The following LRFN5 variants were observed in gnomAD, a reference collection of about 807,000 sequenced individuals.
The protein encoded by LRFN5 is leucine-rich repeat and fibronectin type-III domain-containing protein 5.
LRFN5 carries 24 observed loss-of-function variants against 45.6 expected under a neutral mutation model. That is an observed-to-expected ratio of 0.53 (90% CI 0.38 to 0.74). The LOEUF (loss-of-function observed/expected upper bound fraction) is 0.74. LRFN5 is among the 30% of genes least tolerant of loss of function. LRFN5 has a pLI of 0.00. For synonymous variants in LRFN5, 340 were observed against 313.8 expected (o/e 1.08, Z -0.88); for missense variants, 776 against 861.5 (o/e 0.90, Z 1.24).
chr14:41,851,046 T>C (rs1281838779), intron 2 of LRFN5, among the ~76,000 whole-genome samples: 1 of 151,744 alleles, frequency 6.6e-6, no homozygotes, highest in African/African-American at 2.4e-5. Context: ...ATCTTATGCA[T>C]TTGCCTTCCT....
intron 1 of LRFN5, among the ~76,000 whole-genome samples, chr14:41,631,486 T>C (rs1049816921): frequency 1.3e-5 from 2 of 152,076 alleles, no homozygotes; most frequent in African/African-American, 2.4e-5. Context: ...GCTTACTTTT[T>C]AGCTAGGGGA....
At chr14:41,716,187 G>A (rs1187425986) in intron 1 of LRFN5, among the ~76,000 whole-genome samples, 1 of 152,116 alleles carries the variant, frequency 6.6e-6, no homozygotes, top group African/African-American at 2.4e-5. Context: ...CTCAGCCTTT[G>A]GGCCTGTGAT....
chr14:41,802,541 A>G lies in LRFN5; in HGVS notation c.-21+35512A>G, dbSNP rs141647426. Among the ~76,000 whole-genome samples the G allele has an allele frequency of 1.8e-3, 271 of 152,304 alleles. 1 individual carries two copies. Among genetic ancestry groups the G allele is most frequent in the Non-Finnish European group, 2.3e-3 (156 of 68,024 alleles). On this transcript the variant is annotated intron_variant, in intron 2 of 5. Transcript: ENST00000298119. ...CCAAAGGTGGAGTCCTAGTTGAGAA[A>G]AGAGTTTAGAGGAGTTGGAAAAATG...
chr14:41,695,982 C>G (rs1219347559), intron 1 of LRFN5, among the ~76,000 whole-genome samples: 1 of 151,888 alleles, frequency 6.6e-6, no homozygotes, highest in Non-Finnish European at 1.5e-5. Flanking sequence ...AAAAGATTAA[C>G]CCTTCTAGAT....
rs773322686 is a variant in LRFN5 at position 41,624,866 on chromosome 14, C to T, written c.-197+16304C>T. ...AATTTTTTCATTATCTTCCTTTATT[C>T]CTCTATTTGGATTAAATAATGTCCC... On this transcript the variant is annotated intron_variant, in intron 1 of 5. Transcript: ENST00000298119. Among the ~76,000 whole-genome samples the T allele has an allele frequency of 9.0e-4, 137 of 152,050 alleles. 1 individual carries two copies. The highest frequency in any genetic ancestry group is 1.5e-3 in the Non-Finnish European group (105 of 67,948).
At chr14:41,650,261 ACAC>A (rs1398531796) in intron 1 of LRFN5, among the ~76,000 whole-genome samples, 6 of 145,840 alleles carry the variant, frequency 4.1e-5, no homozygotes, top group African/African-American at 1.6e-4. Flanking sequence ...ACACACACAC[ACAC>A]ACAAAAAAAA....
chr14:41,679,185 G>A (rs1217385302), intron 1 of LRFN5, among the ~76,000 whole-genome samples: 2 of 152,166 alleles, frequency 1.3e-5, no homozygotes, highest in Non-Finnish European at 2.9e-5. Context: ...AGGCCACAAG[G>A]ACTGCAATTC....
chr14:41,674,686 TG>T (rs1881502094), intron 1 of LRFN5, among the ~76,000 whole-genome samples: 1 of 149,990 alleles, frequency 6.7e-6, no homozygotes, highest in African/African-American at 2.5e-5. Context: ...ATGGGACGGC[TG>T]GCTGGGCGGG....
intron 1 of LRFN5, chr14:41,700,670 T>A (rs1882806440): frequency 6.6e-6 from 1 of 151,894 alleles, no homozygotes; most frequent in Non-Finnish European, 1.5e-5. Flanking sequence ...GGATCCTAGC[T>A]TTGAGGATTT....
chr14:41,739,430 G>T (rs901269899), intron 1 of LRFN5, among the ~76,000 whole-genome samples: 2 of 144,022 alleles, frequency 1.4e-5, no homozygotes, highest in Non-Finnish European at 3.1e-5. Flanking sequence ...TCATCTTGAA[G>T]AACTCACAAA....
intron 1 of LRFN5, among the ~76,000 whole-genome samples, chr14:41,696,192 C>T (rs551133672): frequency 1.3e-3 from 190 of 151,914 alleles, no homozygotes; most frequent in Non-Finnish European, 1.8e-3. Context: ...TTGCTGCGAT[C>T]TCATGATAAA....
intron 1 of LRFN5, among the ~76,000 whole-genome samples, chr14:41,750,541 G>A (rs1055531777): frequency 6.6e-6 from 1 of 151,880 alleles, no homozygotes; most frequent in Non-Finnish European, 1.5e-5. Context: ...AAATAATAAA[G>A]TACATATATT....
chr14:41,886,547 A>C (rs1195551329), intron 2 of LRFN5, 59 bp from the exon 3 acceptor site: 2 of 1,075,898 alleles, frequency 1.9e-6, no homozygotes, highest in East Asian at 4.9e-5. Flanking sequence ...TCTAGTAGGA[A>C]TATGAATATG....
At chr14:41,757,740 G>A (rs902501072) in intron 1 of LRFN5, among the ~76,000 whole-genome samples, 6 of 152,134 alleles carry the variant, frequency 3.9e-5, no homozygotes, top group African/African-American at 1.2e-4. Flanking sequence ...TTTGGCTCAC[G>A]CTCGGTGCGC....
intron 1 of LRFN5, among the ~76,000 whole-genome samples, chr14:41,673,439 G>C (rs1292378794): frequency 7.4e-5 from 10 of 135,168 alleles, no homozygotes; most frequent in East Asian, 2.2e-4. Context: ...CTGGCCGGGC[G>C]GGGGGGCTGA....
intron 2 of LRFN5, among the ~76,000 whole-genome samples, chr14:41,846,978 T>A (rs1889091338): frequency 6.6e-6 from 1 of 152,146 alleles, no homozygotes; most frequent in African/African-American, 2.4e-5. Flanking sequence ...AAGCTTCTTT[T>A]TGCTGTGTAA....
intron 1 of LRFN5, among the ~76,000 whole-genome samples, chr14:41,614,319 T>A (rs1887860666): frequency 6.6e-6 from 1 of 152,070 alleles, no homozygotes; most frequent in Non-Finnish European, 1.5e-5. Flanking sequence ...TATTTTAATT[T>A]GGAATCCCGC....
At chr14:41,721,894 T>G (rs936075417) in intron 1 of LRFN5, among the ~76,000 whole-genome samples, 5 of 151,846 alleles carry the variant, frequency 3.3e-5, no homozygotes, top group Non-Finnish European at 7.3e-5. Flanking sequence ...CTGGGTTTCC[T>G]GTATCTGGAT....
intron 2 of LRFN5, among the ~76,000 whole-genome samples, chr14:41,789,357 T>A (rs1886838018): frequency 6.6e-6 from 1 of 152,012 alleles, no homozygotes; most frequent in Non-Finnish European, 1.5e-5. Flanking sequence ...GTAGATTAGA[T>A]CACATGGAGG....
Sources: gnomAD v4.1 joint callset for allele counts (sites outside exome capture counted in the v4.1 genomes callset) on GRCh38, gnomAD v4.1.1 for gene constraint, MANE v1.5 for transcripts, NCBI Gene and HGNC (gene_info 2026-07-23, HGNC 2026-07-21) for gene names.